Variants in STAT4 observed in about 807,000 individuals in gnomAD.
STAT4 encodes signal transducer and activator of transcription 4.
Under a neutral mutation model 110.5 loss-of-function variants are expected in STAT4, and 42 were observed. The observed-to-expected ratio is 0.38, with a 90% CI of 0.30 to 0.49. The LOEUF (loss-of-function observed/expected upper bound fraction) is 0.49, where lower values mean the gene tolerates loss of function less well. Among genes scored for constraint, STAT4 ranks in the 20% least tolerant of loss-of-function variants. STAT4 has a pLI of 0.95. For synonymous variants in STAT4, 284 were observed against 302.2 expected (o/e 0.94, Z 0.63); for missense variants, 632 against 887.9 (o/e 0.71, Z 3.66).
chr2:191,083,040 T>G lies in STAT4; in HGVS notation c.274-6715A>C, dbSNP rs894372021. ...GTCCCAGGTCAAATAAAGGGAGAAT[T>G]TTCTAGAGGGCCTGAAACAGGAGGC... On this transcript the variant is annotated intron_variant, in intron 3 of 23. Transcript: ENST00000392320. The surrounding 1 kb of genome is among the most constrained non-coding windows in gnomAD (Gnocchi z 4.6). 6.6e-6 allele frequency among the ~76,000 whole-genome samples: 1 copy of G among 152,060 alleles called. No individual in the cohort carries two copies. The highest frequency in any genetic ancestry group is 2.4e-5 in the African/African-American group (1 of 41,412).
At chr2:191,076,104 T>C in intron 4 of STAT4, 123 bp downstream of exon 4, 2 of 742,676 alleles carry the variant, frequency 2.7e-6, no homozygotes, top group Non-Finnish European at 4.5e-6. Context: ...TCCTCCCACC[T>C]TTGCCTCCCA....
rs1696588195 is a variant in STAT4 at position 191,053,402 on chromosome 2, C to A, written c.1251+1088G>T. Reference sequence around the variant, plus strand: ...CAAACGTCACATTTTCAGGCCCTGGCAGAGCATGTACTCAAACCCAGGTTT... The same window carrying A: ...CAAACGTCACATTTTCAGGCCCTGGAAGAGCATGTACTCAAACCCAGGTTT... On this transcript the variant is annotated intron_variant, in intron 14 of 23. Transcript: ENST00000392320. The surrounding 1 kb of genome is among the most constrained non-coding windows in gnomAD (Gnocchi z 4.5). Among the ~76,000 whole-genome samples, 1 of 152,174 alleles carries A rather than the reference C, an allele frequency of 6.6e-6. No homozygotes were observed. Among genetic ancestry groups the A allele is most frequent in the African/African-American group, 2.4e-5 (1 of 41,442 alleles).
At position 191,146,306 on chromosome 2, in the gene STAT4, A is replaced by G. The variant is rs1699458054; in HGVS notation, c.273+307T>C. 6.6e-6 allele frequency among the ~76,000 whole-genome samples: 1 copy of G among 152,188 alleles called. No individual in the cohort carries two copies. The highest frequency in any genetic ancestry group is 2.4e-5 in the African/African-American group (1 of 41,456). ...CAAAGGCAAGGGAGGGCTGCTGGAG[A>G]GCCGTGAAACTGTGGTCTGGTCAGT... On this transcript the variant is annotated intron_variant, in intron 3 of 23. Transcript: ENST00000392320. This position sits in a 1 kb window ranked among gnomAD's most constrained non-coding sequence, Gnocchi z 4.5.
At chr2:191,041,703 G>C (rs1696203149) in intron 14 of STAT4, 1 of 152,068 alleles carries the variant, frequency 6.6e-6, no homozygotes, top group Non-Finnish European at 1.5e-5. Context: ...GTGAAAGGTA[G>C]GGGAGTGTAG....
rs140777917 is a variant in STAT4 at position 191,105,090 on chromosome 2, G to C, written c.274-28765C>G. On this transcript the variant is annotated intron_variant, in intron 3 of 23. Transcript: ENST00000392320. ...CCCCATATAATAAATAACAGATCGT[G>C]GGAAAATAGTTTTCAAAGTCTAACA... Among the ~76,000 whole-genome samples, 14 of 152,310 alleles carry C rather than the reference G, an allele frequency of 9.2e-5. No homozygotes were observed. The East Asian group carries it at 2.7e-3, about 29-fold the overall frequency.
intron 6 of STAT4, among the ~76,000 whole-genome samples, chr2:191,068,800 T>C (rs1224717839): frequency 6.6e-6 from 1 of 152,112 alleles, no homozygotes; most frequent in Non-Finnish European, 1.5e-5. Flanking sequence ...CTAGACCTAA[T>C]TAGAATCTTG....
chr2:191,041,243 A>C (rs1696190267), intron 14 of STAT4, 95 bp from the exon 15 acceptor site: 3 of 523,974 alleles, frequency 5.7e-6, no homozygotes, highest in Non-Finnish European at 8.4e-6. Flanking sequence ...TTTATTAATA[A>C]ATTAATAAAG....
At position 191,033,764 on chromosome 2, in the gene STAT4, T is replaced by C; in HGVS notation, c.1716-138A>G. On this transcript the variant is annotated intron_variant, in intron 19 of 23. Coordinates refer to ENST00000392320, the MANE Select transcript of STAT4 (RefSeq NM_003151.4). The surrounding 1 kb of genome is among the most constrained non-coding windows in gnomAD (Gnocchi z 6.9). ...ATACTCATATATAGATTAATATACA[T>C]AGTGCCACTCCACAAAGAATAAGAA... 2 of 1,339,616 alleles carry C rather than the reference T, an allele frequency of 1.5e-6. No homozygotes were observed. The highest frequency in any genetic ancestry group is 1.5e-5 in the South Asian group (1 of 68,722). 83.0% of individuals were successfully genotyped at this position (1,339,616 alleles called of 1,614,324 possible).
Position 191,091,807 on chromosome 2 carries a change from C to T in STAT4, c.274-15482G>A, listed in dbSNP as rs1275054319. Among the ~76,000 whole-genome samples, 1 of 152,166 alleles carries T rather than the reference C, an allele frequency of 6.6e-6. No individual in the cohort carries two copies. Among genetic ancestry groups the T allele is most frequent in the Non-Finnish European group, 1.5e-5 (1 of 68,038 alleles). ...TTAAGTAACTTTAAGCCGGTATTCA[C>T]TTTGACTCCAGAGTGTTGACTTACT... On this transcript the variant is annotated intron_variant, in intron 3 of 23. Transcript: ENST00000392320. This position sits in a 1 kb window ranked among gnomAD's most constrained non-coding sequence, Gnocchi z 5.4.
chr2:191,044,585 C>G (rs570605453), intron 14 of STAT4, among the ~76,000 whole-genome samples: 5 of 152,158 alleles, frequency 3.3e-5, no homozygotes, highest in South Asian at 2.1e-4. Context: ...ATGAACCCAG[C>G]CAGGAGAAGG....
chr2:191,095,427 C>A (rs753167067), intron 3 of STAT4, among the ~76,000 whole-genome samples: 1 of 152,014 alleles, frequency 6.6e-6, no homozygotes, highest in Non-Finnish European at 1.5e-5. Context: ...CAGACCACAG[C>A]GCAATCAAAT....
chr2:191,118,236 G>C (rs757076368), intron 3 of STAT4, among the ~76,000 whole-genome samples: 4 of 152,146 alleles, frequency 2.6e-5, no homozygotes, highest in Non-Finnish European at 5.9e-5. Context: ...CTAAGGCTGT[G>C]GTCTCAACCT....
intron 3 of STAT4, among the ~76,000 whole-genome samples, chr2:191,129,103 G>C (rs1698960156): frequency 6.6e-6 from 1 of 151,890 alleles, no homozygotes; most frequent in Admixed American, 6.6e-5. Context: ...TTAAATATTT[G>C]CTGACTAAAT....
chr2:191,111,893 T>C (rs1032236090), intron 3 of STAT4, among the ~76,000 whole-genome samples: 2 of 152,120 alleles, frequency 1.3e-5, no homozygotes, highest in South Asian at 4.1e-4. Flanking sequence ...TACTGTATGA[T>C]TCTAATTGGA....
Position 191,062,616 on chromosome 2 carries a change from C to G in STAT4, c.941+146G>C. The G allele has an allele frequency of 1.2e-6, 1 of 807,630 alleles. No homozygotes were observed. The highest frequency in any genetic ancestry group is 1.9e-6 in the Non-Finnish European group (1 of 523,726). The allele number at this position is 807,630 out of a possible 1,614,324, so 50.0% of individuals were successfully genotyped here. On this transcript the variant is annotated intron_variant, in intron 9 of 23. Transcript: ENST00000392320. This position sits in a 1 kb window ranked among gnomAD's most constrained non-coding sequence, Gnocchi z 4.9. ...ATAGTGAAGAGTAGAAATGTGGTTT[C>G]TAAAACTTTCTGGGGTTCTATTCAC...
At position 191,134,790 on chromosome 2, in the gene STAT4, T is replaced by C. The variant is rs1174595749; in HGVS notation, c.273+11823A>G. ...ACAACAAAAGGCACTTTGGAAACTG[T>C]ACAAATGCATGAAAATTAAACATGC... On this transcript the variant is annotated intron_variant, in intron 3 of 23. Transcript: ENST00000392320. Among the ~76,000 whole-genome samples the C allele has an allele frequency of 3.3e-5, 5 of 152,160 alleles. No individual in the cohort carries two copies. The South Asian group carries it at 1.0e-3, about 31-fold the overall frequency.
intron 3 of STAT4, among the ~76,000 whole-genome samples, chr2:191,114,856 T>C (rs1214158647): frequency 2.6e-5 from 4 of 152,194 alleles, no homozygotes; most frequent in African/African-American, 4.8e-5. Flanking sequence ...TAATGTATTG[T>C]TGAAGCAGTG....
At chr2:191,125,124 A>T (rs969309991) in intron 3 of STAT4, among the ~76,000 whole-genome samples, 2 of 152,246 alleles carry the variant, frequency 1.3e-5, no homozygotes, top group Non-Finnish European at 2.9e-5. Context: ...ATAAATCTTG[A>T]CATATAAATA....
intron 3 of STAT4, among the ~76,000 whole-genome samples, chr2:191,098,276 G>C (rs1360720256): frequency 6.6e-6 from 1 of 152,136 alleles, no homozygotes; most frequent in Non-Finnish European, 1.5e-5. Flanking sequence ...TACATCCAAA[G>C]GATTATAAAT....
Sources: gnomAD v4.1 joint callset for allele counts (sites outside exome capture counted in the v4.1 genomes callset) on GRCh38, gnomAD v4.1.1 for gene constraint, Gnocchi (gnomAD v3.1) non-coding constraint, MANE v1.5 for transcripts, NCBI Gene and HGNC (gene_info 2026-07-23, HGNC 2026-07-21) for gene names.